The following IARS1 variants were observed in gnomAD, a reference collection of about 807,000 sequenced individuals.
The protein encoded by IARS1 is isoleucine--tRNA ligase, cytoplasmic.
IARS1 carries 124 observed loss-of-function variants against 168.2 expected under a neutral mutation model. That is an observed-to-expected ratio of 0.74 (90% CI 0.64 to 0.86). The LOEUF (loss-of-function observed/expected upper bound fraction) is 0.86. IARS1 is among the 40% of genes least tolerant of loss of function. The pLI is 0.00. For synonymous variants in IARS1, 532 were observed against 529.4 expected (o/e 1.00, Z -0.07); for missense variants, 1,452 against 1,515.8 (o/e 0.96, Z 0.70).
chr9:92,232,063 A>C (rs1033609712), intron 30 of IARS1, among the ~76,000 whole-genome samples: 2 of 152,226 alleles, frequency 1.3e-5, no homozygotes, highest in Non-Finnish European at 2.9e-5. Flanking sequence ...TGCAGCAAAA[A>C]AACAAAAAAT....
intron 31 of IARS1, among the ~76,000 whole-genome samples, chr9:92,226,807 CTTT>C (rs748657152): frequency 7.4e-6 from 1 of 135,372 alleles, no homozygotes. Context: ...TGGCCACCTT[CTTT>C]TTTTTTTTTT....
chr9:92,285,677 A>G, intron 6 of IARS1, 45 bp downstream of exon 6: 1 of 1,215,296 alleles, frequency 8.2e-7, no homozygotes, highest in Non-Finnish European at 1.2e-6. Flanking sequence ...CTCAGCTTCC[A>G]CCTACAAAAC....
intron 20 of IARS1, 30 bp downstream of exon 20, chr9:92,256,650 T>C (rs1283807416): frequency 6.3e-7 from 1 of 1,598,944 alleles, no homozygotes; most frequent in Non-Finnish European, 8.5e-7. Context: ...TAGTCCTTAT[T>C]CCTGGGAGGA....
At chr9:92,251,338 T>A (rs1338075599) in intron 22 of IARS1, among the ~76,000 whole-genome samples, 1 of 152,240 alleles carries the variant, frequency 6.6e-6, no homozygotes, top group East Asian at 1.9e-4. Flanking sequence ...GCCGTTCCAC[T>A]TTTATATTAT....
At chr9:92,215,174 C>T (rs988894854) in intron 33 of IARS1, among the ~76,000 whole-genome samples, 12 of 152,216 alleles carry the variant, frequency 7.9e-5, no homozygotes, top group Non-Finnish European at 1.6e-4. Flanking sequence ...TGATACCTCA[C>T]ACGGCAGGGT....
intron 33 of IARS1, among the ~76,000 whole-genome samples, chr9:92,213,273 CG>C (rs1031831290): frequency 6.6e-5 from 10 of 152,026 alleles, no homozygotes. Flanking sequence ...ATATACAAAC[CG>C]GGAAGTCCAA....
chr9:92,257,245 T>A (rs1830855738), intron 19 of IARS1, among the ~76,000 whole-genome samples: 1 of 152,226 alleles, frequency 6.6e-6, no homozygotes, highest in African/African-American at 2.4e-5. Context: ...TCCCACTCTT[T>A]TTGCTTTGCA....
chr9:92,252,305 T>C (rs1830113917), intron 21 of IARS1: 3 of 464,120 alleles, frequency 6.5e-6, no homozygotes, highest in Admixed American at 2.4e-5. Flanking sequence ...TACCAATTCA[T>C]TGAAATTTTT....
At chr9:92,218,939 A>T (rs904716223) in intron 33 of IARS1, among the ~76,000 whole-genome samples, 2 of 152,160 alleles carry the variant, frequency 1.3e-5, no homozygotes, top group African/African-American at 4.8e-5. Flanking sequence ...TTCATATGGA[A>T]CCAAAAAGGA....
chr9:92,269,846 G>A (rs1832771676), intron 13 of IARS1, 39 bp downstream of exon 13: 2 of 1,383,718 alleles, frequency 1.4e-6, no homozygotes. Context: ...CTAACCACAT[G>A]ACAAAAGACA....
rs549029973 is a variant in IARS1 at position 92,222,295 on chromosome 9, C to T, written c.3706+225G>A. Among the ~76,000 whole-genome samples, 10 of 126,448 alleles carry T rather than the reference C, an allele frequency of 7.9e-5. No homozygotes were observed. In the South Asian group the frequency reaches 2.2e-3, roughly 28 times the overall value. 83.0% of individuals were successfully genotyped at this position (126,448 alleles called of 152,430 possible). ...GGCGGAGGTTGCAGTAAGCCAAGAT[C>T]GTGCCACTGCACTCCAGCCTGGGAG... On this transcript the variant is annotated intron_variant, in intron 33 of 33. Transcript: ENST00000443024.
chr9:92,258,164 C>A (rs1830995916), intron 19 of IARS1, among the ~76,000 whole-genome samples: 1 of 152,232 alleles, frequency 6.6e-6, no homozygotes, highest in South Asian at 2.1e-4. Flanking sequence ...CCAGCCCTAG[C>A]TTGCCTGTGA....
At chr9:92,220,964 AAAAACAAAAC>A (rs1050433958) in intron 33 of IARS1, among the ~76,000 whole-genome samples, 1 of 152,168 alleles carries the variant, frequency 6.6e-6, no homozygotes. Flanking sequence ...ACCAAGTCTC[AAAAACAAAAC>A]AAAACAAAAC....
At chr9:92,270,932 T>C in intron 12 of IARS1, 53 bp downstream of exon 12, 1 of 1,239,642 alleles carries the variant, frequency 8.1e-7, no homozygotes. Context: ...ATATAGTAAG[T>C]GTAAGCACAG....
intron 30 of IARS1, among the ~76,000 whole-genome samples, chr9:92,232,374 C>A (rs1198812013): frequency 1.3e-5 from 2 of 152,150 alleles, no homozygotes; most frequent in Non-Finnish European, 2.9e-5. Context: ...ATTTGCCAAT[C>A]TATAGAATGC....
intron 9 of IARS1, among the ~76,000 whole-genome samples, chr9:92,275,033 G>A (rs1432970973): frequency 6.6e-6 from 1 of 152,074 alleles, no homozygotes; most frequent in East Asian, 1.9e-4. Flanking sequence ...AATACTCAGG[G>A]GAAATGTGTT....
Position 92,262,848 on chromosome 9 carries a change from G to C in IARS1, c.1787+121C>G, listed in dbSNP as rs1831716938. On this transcript the variant is annotated intron_variant, in intron 17 of 33. Coordinates refer to ENST00000443024, the MANE Select transcript of IARS1 (RefSeq NM_002161.6). ...GCTTAGCTGTCACACACTCCTTCTTGAGAAACAGTGGAGACAAAGCTCCAC... is the reference window on the plus strand; with the variant it reads ...GCTTAGCTGTCACACACTCCTTCTTCAGAAACAGTGGAGACAAAGCTCCAC... 12 of 703,712 alleles carry C rather than the reference G, an allele frequency of 1.7e-5. No homozygotes were observed. The East Asian group carries it at 3.0e-4, about 17-fold the overall frequency. 43.6% of individuals were successfully genotyped at this position (703,712 alleles called of 1,614,324 possible).
At chr9:92,229,618 T>C (rs1826350807) in intron 30 of IARS1, among the ~76,000 whole-genome samples, 1 of 152,238 alleles carries the variant, frequency 6.6e-6, no homozygotes, top group Non-Finnish European at 1.5e-5. Flanking sequence ...CTTAGATTCA[T>C]GTACGGATAT....
In IARS1 at chr9:92,287,838, T is replaced by C. The variant is rs1414120696; in HGVS notation, c.349A>G (p.Asn117Asp). Residue 117 changes from asparagine (N) to aspartate (D), a missense_variant, in exon 4 of 34, where the codon AAC becomes GAC. Coordinates refer to ENST00000443024, the MANE Select transcript of IARS1 (RefSeq NM_002161.6). ...DVAKMGITEY[N>D]NQCRAIVMRY... Reference sequence around the variant, plus strand: ...ATCACAATTGCTCGGCACTGATTGTTATACTCTGTAATCCCCATTTTGGCC... The same window carrying C: ...ATCACAATTGCTCGGCACTGATTGTCATACTCTGTAATCCCCATTTTGGCC... 17 of 1,614,010 alleles carry C rather than the reference T, an allele frequency of 1.1e-5. No individual in the cohort carries two copies. Among genetic ancestry groups the C allele is most frequent in the Non-Finnish European group, 1.4e-5 (17 of 1,179,936 alleles).
Sources: gnomAD v4.1 joint callset for allele counts (sites outside exome capture counted in the v4.1 genomes callset) on GRCh38, gnomAD v4.1.1 for gene constraint, MANE v1.5 for transcripts, NCBI Gene and HGNC (gene_info 2026-07-23, HGNC 2026-07-21) for gene names.